The following NDST4 variants were observed in gnomAD, a reference collection of about 807,000 sequenced individuals.
NDST4 encodes the protein N-deacetylase and N-sulfotransferase 4, also known as N-heparan sulfate sulfotransferase 4.
Under a neutral mutation model 100.8 loss-of-function variants are expected in NDST4, and 63 were observed. The ratio of observed to expected loss-of-function variants is 0.62; its 90% CI spans 0.51 to 0.77. The LOEUF is 0.77. Among genes scored for constraint, NDST4 ranks in the 30% least tolerant of loss-of-function variants. The pLI is 0.00. For synonymous variants in NDST4, 377 were observed against 361.8 expected (o/e 1.04, Z -0.48); for missense variants, 943 against 1,018.4 (o/e 0.93, Z 1.01).
At chr4:115,099,172 G>A (rs1161010541) in intron 1 of NDST4, among the ~76,000 whole-genome samples, 1 of 152,032 alleles carries the variant, frequency 6.6e-6, no homozygotes, top group African/African-American at 2.4e-5. Context: ...TAGACTATTT[G>A]TAGATATAAA....
chr4:115,018,785 A>T (rs964829834), intron 2 of NDST4, among the ~76,000 whole-genome samples: 1 of 152,016 alleles, frequency 6.6e-6, no homozygotes, highest in Non-Finnish European at 1.5e-5. Context: ...TAGAATTATT[A>T]TACATGCTTG....
intron 7 of NDST4, among the ~76,000 whole-genome samples, chr4:114,866,296 T>C (rs1420086385): frequency 3.3e-5 from 5 of 152,218 alleles, no homozygotes; most frequent in Non-Finnish European, 7.4e-5. Context: ...ACCTCCCTAT[T>C]CTTACCTGTC....
intron 6 of NDST4, among the ~76,000 whole-genome samples, chr4:114,909,058 A>G (rs1319215509): frequency 6.6e-6 from 1 of 152,180 alleles, no homozygotes; most frequent in African/African-American, 2.4e-5. Flanking sequence ...TCCTATCCAC[A>G]TCTTAATTAA....
chr4:114,948,224 T>C (rs1221102138), intron 4 of NDST4, among the ~76,000 whole-genome samples: 1 of 152,010 alleles, frequency 6.6e-6, no homozygotes. Flanking sequence ...TGGAAAAATG[T>C]TTTAAACATT....
chr4:114,877,090 G>A (rs1724271313), intron 6 of NDST4, among the ~76,000 whole-genome samples: 1 of 138,696 alleles, frequency 7.2e-6, no homozygotes, highest in Non-Finnish European at 1.5e-5. Flanking sequence ...ACACACACGC[G>A]TGCACGCGCG....
At chr4:114,935,387 C>A in intron 5 of NDST4, 53 bp from the exon 6 acceptor site, 1 of 1,462,808 alleles carries the variant, frequency 6.8e-7, no homozygotes, top group Non-Finnish European at 9.1e-7. Flanking sequence ...TTAAGAACTT[C>A]ACCTGTGTCT....
At chr4:114,857,257 T>C (rs1002000133) in intron 7 of NDST4, among the ~76,000 whole-genome samples, 8 of 151,938 alleles carry the variant, frequency 5.3e-5, no homozygotes, top group Admixed American at 2.0e-4. Context: ...AAGAAGAGAG[T>C]GCTATGGAAG....
intron 1 of NDST4, among the ~76,000 whole-genome samples, chr4:115,108,242 A>G (rs1192486231): frequency 3.9e-5 from 6 of 152,000 alleles, no homozygotes; most frequent in Non-Finnish European, 8.8e-5. Flanking sequence ...TAGTGATGTT[A>G]TATTTATTTC....
intron 6 of NDST4, among the ~76,000 whole-genome samples, chr4:114,917,479 T>C (rs190779200): frequency 1.3e-4 from 20 of 152,114 alleles, no homozygotes; most frequent in Admixed American, 1.3e-3. Context: ...GACAGCATAA[T>C]GTACTGATCA....
intron 6 of NDST4, among the ~76,000 whole-genome samples, chr4:114,908,733 A>G (rs1560806898): frequency 1.3e-5 from 2 of 152,350 alleles, no homozygotes; most frequent in East Asian, 3.9e-4. Flanking sequence ...TAGCACACAT[A>G]TATACACGTA....
intron 12 of NDST4, among the ~76,000 whole-genome samples, chr4:114,831,988 GTTATTAA>G (rs1723210337): frequency 6.6e-6 from 1 of 151,986 alleles, no homozygotes; most frequent in Admixed American, 6.5e-5. Context: ...CATCACTATA[GTTATTAA>G]TTTTTGTGAT....
chr4:114,969,632 C>T (rs1726464444), intron 4 of NDST4, among the ~76,000 whole-genome samples: 1 of 152,254 alleles, frequency 6.6e-6, no homozygotes, highest in Non-Finnish European at 1.5e-5. Context: ...CATGTTGCTG[C>T]AAAGGACATA....
At chr4:115,021,229 A>T (rs966882854) in intron 2 of NDST4, among the ~76,000 whole-genome samples, 2 of 123,058 alleles carry the variant, frequency 1.6e-5, no homozygotes, top group Non-Finnish European at 3.2e-5. Flanking sequence ...TATATTCCAC[A>T]TATATATATT....
At chr4:115,094,562 C>A (rs532137) in intron 1 of NDST4, among the ~76,000 whole-genome samples, 8 of 151,988 alleles carry the variant, frequency 5.3e-5, no homozygotes, top group Admixed American at 1.3e-4. Flanking sequence ...GACAAAGTTG[C>A]AAGCAGCCAT....
At chr4:115,052,391 A>C (rs1728601077) in intron 2 of NDST4, among the ~76,000 whole-genome samples, 1 of 152,142 alleles carries the variant, frequency 6.6e-6, no homozygotes. Context: ...AGGATAAAGT[A>C]CTCTATTCAC....
intron 2 of NDST4, among the ~76,000 whole-genome samples, chr4:115,013,361 A>ATG: frequency 9.5e-6 from 1 of 105,428 alleles, no homozygotes. Context: ...ATATATATAT[A>ATG]TATATATATA....
chr4:115,028,025 A>G (rs1685596813), intron 2 of NDST4, among the ~76,000 whole-genome samples: 1 of 151,570 alleles, frequency 6.6e-6, no homozygotes, highest in African/African-American at 2.4e-5. Flanking sequence ...TCACCATTAC[A>G]CTCCAGCCTG....
intron 8 of NDST4, among the ~76,000 whole-genome samples, chr4:114,850,120 A>G (rs1723641473): frequency 6.6e-6 from 1 of 152,218 alleles, no homozygotes; most frequent in African/African-American, 2.4e-5. Context: ...GACACACAAA[A>G]CACAAATGAG....
intron 2 of NDST4, among the ~76,000 whole-genome samples, chr4:114,991,704 A>T (rs1157607050): frequency 6.6e-6 from 1 of 152,036 alleles, no homozygotes; most frequent in Non-Finnish European, 1.5e-5. Flanking sequence ...AATTTAATAC[A>T]AATGAAATTA....
Sources: allele counts gnomAD v4.1 joint callset (sites outside exome capture counted in the v4.1 genomes callset), GRCh38; gene constraint gnomAD v4.1.1; transcripts MANE v1.5; gene names NCBI Gene and HGNC (gene_info 2026-07-23, HGNC 2026-07-21).